CCDC69: variants seen among roughly 807,000 people sequenced by gnomAD.
CCDC69 encodes coiled-coil domain-containing protein 69.
A neutral mutation model predicts 40.3 loss-of-function variants in CCDC69; 38 were observed. That is an observed-to-expected ratio of 0.94 (90% CI 0.73 to 1.24). The LOEUF is 1.24. Ranked by LOEUF, CCDC69 falls within the 50% of genes most tolerant of loss-of-function variation. The probability of loss-of-function intolerance (pLI) is 0.00; values close to 1 mark genes in which losing one functional copy is unlikely to be tolerated. For synonymous variants in CCDC69, 141 were observed against 138.9 expected, an observed-to-expected ratio of 1.02 and a Z score of -0.11; for missense variants, 389 against 357.9, an observed-to-expected ratio of 1.09 and a Z score of -0.70.
chr5:151,194,817 G>A lies in CCDC69; in HGVS notation c.319+4180C>T, dbSNP rs531234402. On this transcript the variant is annotated intron_variant, in intron 4 of 8. Coordinates refer to ENST00000355417, the MANE Select transcript of CCDC69 (RefSeq NM_015621.3). ...CTCAGGCAAAGAATTGCTTGAACCCGGGAGGCGGAGGTTGCAGTGAGCCGA... is the reference window on the plus strand; with the variant it reads ...CTCAGGCAAAGAATTGCTTGAACCCAGGAGGCGGAGGTTGCAGTGAGCCGA... Among the ~76,000 whole-genome samples the A allele has an allele frequency of 6.0e-5, 9 of 151,062 alleles. No individual in the cohort carries two copies. In the South Asian group the frequency reaches 1.7e-3, roughly 28 times the overall value.
chr5:151,208,178 G>A (rs1038654089), intron 1 of CCDC69, among the ~76,000 whole-genome samples: 5 of 152,180 alleles, frequency 3.3e-5, no homozygotes, highest in African/African-American at 1.2e-4. Context: ...TTGAACCCAG[G>A]AGGTGGAAGT....
chr5:151,219,182 A>G (rs1435407303), intron 1 of CCDC69, among the ~76,000 whole-genome samples: 3 of 152,160 alleles, frequency 2.0e-5, no homozygotes, highest in Admixed American at 2.0e-4. Context: ...CACGCTCCTC[A>G]ACTGTCCTGC....
chr5:151,182,810 C>T lies in CCDC69; in HGVS notation c.*627G>A, dbSNP rs1411619624. On this transcript the variant is annotated 3_prime_UTR_variant, in exon 9 of 9. Coordinates refer to ENST00000355417, the MANE Select transcript of CCDC69 (RefSeq NM_015621.3). ...TGCCTCAGCTGGGGAGGCTGCCTGGCCCTGTCAGCCCCAAGGGCCTTCAGA... is the reference window on the plus strand; with the variant it reads ...TGCCTCAGCTGGGGAGGCTGCCTGGTCCTGTCAGCCCCAAGGGCCTTCAGA... The T allele has an allele frequency of 1.5e-5, 5 of 342,584 alleles. No homozygotes were observed. Among genetic ancestry groups the T allele is most frequent in the African/African-American group, 6.5e-5 (3 of 46,458 alleles). 21.2% of individuals were successfully genotyped at this position (342,584 alleles called of 1,614,324 possible).
intron 1 of CCDC69, among the ~76,000 whole-genome samples, chr5:151,221,362 C>T (rs1753131926): frequency 6.6e-6 from 1 of 152,224 alleles, no homozygotes; most frequent in Non-Finnish European, 1.5e-5. Context: ...TTTGCTTAGG[C>T]CTTGGCCATG....
At chr5:151,206,402 G>C (rs916721867) in intron 1 of CCDC69, among the ~76,000 whole-genome samples, 1 of 152,060 alleles carries the variant, frequency 6.6e-6, no homozygotes, top group African/African-American at 2.4e-5. Context: ...ATTGACCATT[G>C]GTGATCAATT....
chr5:151,215,005 G>C (rs201891345), intron 1 of CCDC69, among the ~76,000 whole-genome samples: 2 of 152,198 alleles, frequency 1.3e-5, no homozygotes, highest in East Asian at 3.8e-4. Context: ...CAGGGTGTCT[G>C]CTAGTTCTGG....
intron 4 of CCDC69, among the ~76,000 whole-genome samples, chr5:151,192,107 G>GAAAAAAAAAAAAAAAAAAAAAA (rs1752621542): frequency 1.8e-5 from 1 of 55,190 alleles, no homozygotes; most frequent in East Asian, 4.9e-4. Flanking sequence ...AAAAAAAAAA[G>GAAAAAAAAAAAAAAAAAAAAAA]AATGAAAAGA....
At chr5:151,190,009 A>G (rs938468588) in intron 4 of CCDC69, among the ~76,000 whole-genome samples, 6 of 152,216 alleles carry the variant, frequency 3.9e-5, no homozygotes, top group Non-Finnish European at 7.3e-5. Flanking sequence ...TCCTTCAGGA[A>G]AGAAGATTAA....
At chr5:151,210,019 G>T (rs1191457790) in intron 1 of CCDC69, among the ~76,000 whole-genome samples, 5 of 152,024 alleles carry the variant, frequency 3.3e-5, no homozygotes, top group Admixed American at 2.0e-4. Flanking sequence ...CCATAACCTG[G>T]TGGCATATAT....
chr5:151,201,535 G>A (rs749997835), intron 3 of CCDC69, 47 bp downstream of exon 3: 3 of 1,336,646 alleles, frequency 2.2e-6, no homozygotes, highest in Middle Eastern at 4.2e-4. Context: ...ATTCACCAAA[G>A]TTAGCTGAGC....
rs569155768 is a variant in CCDC69 at position 151,214,779 on chromosome 5, T to C, written c.48+9144A>G. Among the ~76,000 whole-genome samples, 289 of 152,172 alleles carry C rather than the reference T, an allele frequency of 1.9e-3. 2 individuals are homozygous for C. The highest frequency in any genetic ancestry group is 3.8e-3 in the Admixed American group (58 of 15,280). On this transcript the variant is annotated intron_variant, in intron 1 of 8. Transcript: ENST00000355417. ...TCTCCACTGCTCCTATCTGACCAAC[T>C]GATGAGGTGTCTCAGGGGAGCAAAG...
At chr5:151,200,657 C>T (rs1286821079) in intron 3 of CCDC69, among the ~76,000 whole-genome samples, 3 of 152,188 alleles carry the variant, frequency 2.0e-5, no homozygotes, top group African/African-American at 7.2e-5. Flanking sequence ...TCCTGGGCTG[C>T]AGGTTACATT....
In CCDC69 at chr5:151,223,984, C is replaced by A; in HGVS notation, c.-14G>T. ...TCTGCAGCCCATCCTCCTCCGGGGG[C>A]TCCCGGACGCCGCTTCCCAACTCCG... On this transcript the variant is annotated 5_prime_UTR_variant, in exon 1 of 9. Coordinates refer to ENST00000355417, the MANE Select transcript of CCDC69 (RefSeq NM_015621.3). 1 of 1,550,844 alleles carries A rather than the reference C, an allele frequency of 6.4e-7. No homozygotes were observed. The highest frequency in any genetic ancestry group is 1.2e-5 in the South Asian group (1 of 84,672).
Position 151,186,104 on chromosome 5 carries a change from G to A in CCDC69, c.414C>T (p.Thr138=), listed in dbSNP as rs758229324. 1.9e-6 allele frequency: 3 copies of A among 1,613,590 alleles called. No individual in the cohort carries two copies. The highest frequency in any genetic ancestry group is 1.1e-5 in the South Asian group (1 of 91,060). The part of the protein sequence containing the change: ...STQQETIDRL[T]SQLEAFQAKM... ...TGGCCTGGAAAGCCTCCAGCTGTGA[G>A]GTCAGTCTGTCTATGGTCTCCTGGA... Residue 138 remains threonine, a synonymous_variant, in exon 6 of 9, where the codon ACC becomes ACT. Coordinates refer to ENST00000355417, the MANE Select transcript of CCDC69 (RefSeq NM_015621.3).
At position 151,207,802 on chromosome 5, in the gene CCDC69, G is replaced by A. The variant is rs1038999995; in HGVS notation, c.49-2327C>T. ...AGTCTGGCGGTGGTCACCAGACCAG[G>A]ATTTGGGTAAAAAAAATTTAAGCCC... On this transcript the variant is annotated intron_variant, in intron 1 of 8. Transcript: ENST00000355417. 3.3e-5 allele frequency among the ~76,000 whole-genome samples: 5 copies of A among 151,056 alleles called. No individual in the cohort carries two copies. The East Asian group carries it at 7.8e-4, about 24-fold the overall frequency.
In CCDC69 at chr5:151,185,465, C is replaced by G. The variant is rs780016023; in HGVS notation, c.572G>C (p.Arg191Pro). Residue 191 changes from arginine (R) to proline (P), a missense_variant, in exon 7 of 9, where the codon CGT (arginine) becomes CCT (proline). Arg to Pro is a moderately radical substitution (Grantham distance 103, BLOSUM62 -2). Coordinates refer to ENST00000355417, the MANE Select transcript of CCDC69 (RefSeq NM_015621.3). ...LHFVIEMKNE[R>P]IHELDRRLIL... Reference sequence around the variant, plus strand: ...CAGCCGCCTGTCCAGCTCATGAATACGCTCATTCTTCATCTCGATGACAAA... The same window carrying G: ...CAGCCGCCTGTCCAGCTCATGAATAGGCTCATTCTTCATCTCGATGACAAA... 1.9e-6 allele frequency: 3 copies of G among 1,613,832 alleles called. No individual in the cohort carries two copies. The African/African-American group carries it at 4.0e-5, about 22-fold the overall frequency.
chr5:151,211,711 A>G (rs1220524706), intron 1 of CCDC69, among the ~76,000 whole-genome samples: 1 of 151,586 alleles, frequency 6.6e-6, no homozygotes, highest in East Asian at 1.9e-4. Flanking sequence ...TTTAGTAGAG[A>G]CGGGGTTTCA....
At chr5:151,215,714 C>A in intron 1 of CCDC69, 2 of 333,106 alleles carry the variant, frequency 6.0e-6, no homozygotes, top group Admixed American at 3.1e-5. Context: ...CAGAGCTCAG[C>A]CATCTCCCAA....
chr5:151,198,356 T>G (rs1752730571), intron 4 of CCDC69, among the ~76,000 whole-genome samples: 2 of 151,308 alleles, frequency 1.3e-5, no homozygotes, highest in South Asian at 4.2e-4. Flanking sequence ...CTTACCAAAC[T>G]GGAAAGTTTG....
Sources: gnomAD v4.1 joint callset for allele counts (sites outside exome capture counted in the v4.1 genomes callset) on GRCh38, gnomAD v4.1.1 for gene constraint, MANE v1.5 for transcripts, NCBI Gene and HGNC (gene_info 2026-07-23, HGNC 2026-07-21) for gene names.